The following TMEM263 variants were observed in gnomAD, a reference collection of about 807,000 sequenced individuals.
TMEM263 encodes the protein UPF0444 transmembrane protein C12orf23.
A neutral mutation model predicts 8.6 loss-of-function variants in TMEM263; 5 were observed. The ratio of observed to expected loss-of-function variants is 0.58; its 90% CI spans 0.31 to 1.23. The LOEUF (loss-of-function observed/expected upper bound fraction) is 1.23. TMEM263 is among the 50% of genes most tolerant of loss of function. TMEM263 has a pLI of 0.07. For synonymous variants in TMEM263, 50 were observed against 47.9 expected, an observed-to-expected ratio of 1.04 and a Z score of -0.18; for missense variants, 104 against 138.8, an observed-to-expected ratio of 0.75 and a Z score of 1.26.
At chr12:106,965,349 G>A (rs902768537) in intron 2 of TMEM263, among the ~76,000 whole-genome samples, 6 of 152,152 alleles carry the variant, frequency 3.9e-5, no homozygotes, top group South Asian at 2.1e-4. Context: ...GCTTATGCCT[G>A]TAATCCCAGC....
At chr12:106,962,768 A>T (rs1245144351) in intron 2 of TMEM263, among the ~76,000 whole-genome samples, 4 of 152,210 alleles carry the variant, frequency 2.6e-5, no homozygotes, top group African/African-American at 7.2e-5. Flanking sequence ...CTCTTCTGAT[A>T]TTCTCTGTGT....
At position 106,971,427 on chromosome 12, in the gene TMEM263, A is replaced by G; in HGVS notation, c.*36A>G. The G allele has an allele frequency of 2.0e-6, 3 of 1,535,252 alleles. No individual in the cohort carries two copies. Among genetic ancestry groups the G allele is most frequent in the Non-Finnish European group, 2.6e-6 (3 of 1,141,480 alleles). ...TACACTTGCGCTCCACAGCACTGTA[A>G]TGCCAGTGGCATTGAATTGCTAAAT... On this transcript the variant is annotated 3_prime_UTR_variant, in exon 4 of 4. Coordinates refer to ENST00000280756, the MANE Select transcript of TMEM263 (RefSeq NM_152261.4).
Position 106,955,971 on chromosome 12 carries a change from G to A in TMEM263, c.-169G>A, listed in dbSNP as rs1376258629. 2 of 986,520 alleles carry A rather than the reference G, an allele frequency of 2.0e-6. No individual in the cohort carries two copies. Among genetic ancestry groups the A allele is most frequent in the Non-Finnish European group, 2.4e-6 (2 of 830,916 alleles). The allele number at this position is 986,520 out of a possible 1,614,324, so 61.1% of individuals were successfully genotyped here. A position where few individuals can be genotyped will look rare whatever the true frequency, so the allele number is the denominator to read the frequency against. On this transcript the variant is annotated 5_prime_UTR_variant, in exon 1 of 4. Coordinates refer to ENST00000280756, the MANE Select transcript of TMEM263 (RefSeq NM_152261.4). The stretch of plus-strand genomic sequence containing the variant: ...AGCCGCGACTGCCCGGGGTTGTGCC[G>A]GCCGCCGCTGCCGCCCAGGCCGCCT...
chr12:106,956,940 AG>A, intron 1 of TMEM263, 141 bp from the exon 2 acceptor site: 1 of 307,874 alleles, frequency 3.2e-6, no homozygotes, highest in Non-Finnish European at 4.8e-6. Flanking sequence ...TAGGGAGAGA[AG>A]GGGCCACCCG....
At chr12:106,958,534 A>G (rs1300322396) in intron 2 of TMEM263, among the ~76,000 whole-genome samples, 1 of 152,206 alleles carries the variant, frequency 6.6e-6, no homozygotes, top group Admixed American at 6.5e-5. Context: ...CCATCTCTAC[A>G]ATGCTTAATG....
chr12:106,967,272 T>C, intron 3 of TMEM263, 92 bp downstream of exon 3: 1 of 892,084 alleles, frequency 1.1e-6, no homozygotes, highest in Non-Finnish European at 1.6e-6. Context: ...TTTTATTTTT[T>C]TTTGAGACAG....
At chr12:106,964,523 A>G (rs1439347193) in intron 2 of TMEM263, among the ~76,000 whole-genome samples, 1 of 152,248 alleles carries the variant, frequency 6.6e-6, no homozygotes, top group Non-Finnish European at 1.5e-5. Flanking sequence ...CTCCTTTCCC[A>G]GTAATGCATC....
intron 2 of TMEM263, among the ~76,000 whole-genome samples, chr12:106,962,426 T>C (rs1332714165): frequency 6.6e-6 from 1 of 152,242 alleles, no homozygotes; most frequent in Non-Finnish European, 1.5e-5. Flanking sequence ...ATTCCTCTCT[T>C]GCGTTCCATG....
In TMEM263 at chr12:106,956,069, A is replaced by C. The variant is rs1951684304; in HGVS notation, c.-75+4A>C. The C allele has an allele frequency of 2.0e-6, 2 of 983,764 alleles. No individual in the cohort carries two copies. Among genetic ancestry groups the C allele is most frequent in the Admixed American group, 1.2e-4 (2 of 16,264 alleles). 60.9% of individuals were successfully genotyped at this position (983,764 alleles called of 1,614,324 possible). A position where few individuals can be genotyped will look rare whatever the true frequency, so the allele number is the denominator to read the frequency against. ...AGCGCTGGCCGCGACCCCGGCGGTG[A>C]GTGAGTCGGGATGCGAGGGCAGGGG... On this transcript the variant is annotated splice_donor_region_variant and intron_variant, in intron 1 of 3. Coordinates refer to ENST00000280756, the MANE Select transcript of TMEM263 (RefSeq NM_152261.4).
intron 2 of TMEM263, among the ~76,000 whole-genome samples, chr12:106,960,962 A>G (rs1951765522): frequency 6.6e-6 from 1 of 151,884 alleles, no homozygotes; most frequent in Non-Finnish European, 1.5e-5. Flanking sequence ...ATTGGTAGGT[A>G]TTTCTTCTTG....
At chr12:106,960,360 A>G (rs1038116338) in intron 2 of TMEM263, among the ~76,000 whole-genome samples, 2 of 151,366 alleles carry the variant, frequency 1.3e-5, no homozygotes, top group Non-Finnish European at 1.5e-5. Flanking sequence ...TTTAGTCCCA[A>G]TGAAACTAAT....
Position 106,972,045 on chromosome 12 carries a change from T to C in TMEM263, c.*654T>C, listed in dbSNP as rs1037750598. ...TGAATATGTGCTGTTCTTAGAATCA[T>C]CTATGGATTCTTTTAAAGGTTGTTT... is the stretch of plus-strand genomic sequence containing the variant. On this transcript the variant is annotated 3_prime_UTR_variant, in exon 4 of 4. Coordinates refer to ENST00000280756, the MANE Select transcript of TMEM263 (RefSeq NM_152261.4). 1 of 152,674 alleles carries C rather than the reference T, an allele frequency of 6.5e-6. No homozygotes were observed. Among genetic ancestry groups the C allele is most frequent in the Non-Finnish European group, 1.5e-5 (1 of 68,044 alleles). The allele number at this position is 152,674 out of a possible 1,614,324, so 9.5% of individuals were successfully genotyped here.
chr12:106,965,933 G>A (rs1951839710), intron 2 of TMEM263, among the ~76,000 whole-genome samples: 1 of 152,034 alleles, frequency 6.6e-6, no homozygotes, highest in East Asian at 1.9e-4. Flanking sequence ...ACAAGAGAGG[G>A]ATGTCTTTTT....
chr12:106,972,860 C>CTTTTTTTT lies in TMEM263; in HGVS notation c.*1481_*1488dup, dbSNP rs57234871. The CTTTTTTTT allele has an allele frequency of 7.7e-6, 1 of 130,710 alleles. No homozygotes were observed. The allele number at this position is 130,710 out of a possible 1,614,324, so 8.1% of individuals were successfully genotyped here. The stretch of plus-strand genomic sequence containing the variant: ...TGGAAATTTGTCTCCATTCTGCCAC[C>CTTTTTTTT]TTTTTTTTTTTTTTTTTTTATAGTG... On this transcript the variant is annotated 3_prime_UTR_variant, in exon 4 of 4. Coordinates refer to ENST00000280756, the MANE Select transcript of TMEM263 (RefSeq NM_152261.4).
At chr12:106,956,432 C>T (rs890449713) in intron 1 of TMEM263, among the ~76,000 whole-genome samples, 2 of 152,172 alleles carry the variant, frequency 1.3e-5, no homozygotes, top group Non-Finnish European at 2.9e-5. Flanking sequence ...GCTTGGGTAC[C>T]GGGCTTCCTC....
chr12:106,968,136 A>C (rs1951870063), intron 3 of TMEM263, among the ~76,000 whole-genome samples: 1 of 152,144 alleles, frequency 6.6e-6, no homozygotes, highest in African/African-American at 2.4e-5. Context: ...CATGTTGATT[A>C]CTAGGGCTGG....
At chr12:106,962,103 A>G (rs1264521377) in intron 2 of TMEM263, among the ~76,000 whole-genome samples, 1 of 152,212 alleles carries the variant, frequency 6.6e-6, no homozygotes, top group Non-Finnish European at 1.5e-5. Flanking sequence ...GCATATTTCT[A>G]TGTGTAGGTA....
intron 2 of TMEM263, among the ~76,000 whole-genome samples, chr12:106,960,473 A>G (rs1951756885): frequency 1.3e-5 from 2 of 151,814 alleles, no homozygotes; most frequent in Non-Finnish European, 2.9e-5. Flanking sequence ...TTTCTTGTTT[A>G]TTGATAATCC....
intron 2 of TMEM263, among the ~76,000 whole-genome samples, chr12:106,958,115 G>A (rs981356211): frequency 2.0e-5 from 3 of 152,120 alleles, no homozygotes; most frequent in African/African-American, 2.4e-5. Context: ...ATTTATAGTC[G>A]TCTTTTTCTA....
Sources: allele counts gnomAD v4.1 joint callset (sites outside exome capture counted in the v4.1 genomes callset), GRCh38; gene constraint gnomAD v4.1.1; transcripts MANE v1.5; gene names NCBI Gene and HGNC (gene_info 2026-07-23, HGNC 2026-07-21).